The following GRM7 variants were observed in gnomAD, a reference collection of about 807,000 sequenced individuals.
GRM7 encodes metabotropic glutamate receptor 7.
In GRM7, 35 loss-of-function variants were observed where a neutral mutation model predicts 84.5. The observed-to-expected ratio is 0.41, with a 90% CI of 0.32 to 0.55. The LOEUF is 0.55. Ranked by LOEUF, GRM7 falls within the 20% of genes least tolerant of loss-of-function variation. GRM7 has a pLI of 0.19. For missense variants in GRM7, 1,003 were observed against 1,194.6 expected, an observed-to-expected ratio of 0.84 and a Z score of 2.36; for synonymous variants, 487 against 455.1, an observed-to-expected ratio of 1.07 and a Z score of -0.89.
chr3:7,418,104 C>G (rs1398262115), intron 5 of GRM7, among the ~76,000 whole-genome samples: 3 of 152,124 alleles, frequency 2.0e-5, no homozygotes. Flanking sequence ...ACTATGTAAT[C>G]TTTATTTCTG....
At chr3:7,326,503 C>A (rs10510358) in intron 4 of GRM7, among the ~76,000 whole-genome samples, 1 of 151,734 alleles carries the variant, frequency 6.6e-6, no homozygotes, top group African/African-American at 2.4e-5. Flanking sequence ...AAGCACCCTA[C>A]GTATCAAGAG....
chr3:7,181,564 A>G (rs1236579867), intron 2 of GRM7, among the ~76,000 whole-genome samples: 1 of 152,140 alleles, frequency 6.6e-6, no homozygotes, highest in African/African-American at 2.4e-5. Context: ...CCAGCTTTCA[A>G]AATAATATTT....
chr3:7,386,004 A>T (rs969383813), intron 4 of GRM7, among the ~76,000 whole-genome samples: 8 of 152,228 alleles, frequency 5.3e-5, no homozygotes, highest in Non-Finnish European at 7.3e-5. Context: ...CATTTACACT[A>T]AGTCAACAAA....
At chr3:7,363,521 A>G (rs1016704252) in intron 4 of GRM7, among the ~76,000 whole-genome samples, 4 of 152,108 alleles carry the variant, frequency 2.6e-5, no homozygotes, top group African/African-American at 7.2e-5. Context: ...ACTCGTTTCA[A>G]TTATTGCTTA....
chr3:6,887,638 C>T (rs1174769793), intron 1 of GRM7, among the ~76,000 whole-genome samples: 1 of 152,106 alleles, frequency 6.6e-6, no homozygotes, highest in Non-Finnish European at 1.5e-5. Context: ...CATTGCTGGA[C>T]ATTTGGGTTG....
intron 9 of GRM7, among the ~76,000 whole-genome samples, chr3:7,685,798 A>G (rs369105394): frequency 1.1e-3 from 160 of 152,088 alleles, no homozygotes; most frequent in Non-Finnish European, 1.9e-3. Flanking sequence ...TAAAAAAAAA[A>G]AAAGAAAGAA....
chr3:7,313,601 CA>C (rs1380749577), intron 4 of GRM7, among the ~76,000 whole-genome samples: 2 of 152,050 alleles, frequency 1.3e-5, no homozygotes, highest in Non-Finnish European at 2.9e-5. Context: ...ATGGGCCTTA[CA>C]AAATGATGAT....
At chr3:7,127,427 C>T (rs1693439173) in intron 1 of GRM7, among the ~76,000 whole-genome samples, 1 of 152,178 alleles carries the variant, frequency 6.6e-6, no homozygotes, top group South Asian at 2.1e-4. Flanking sequence ...ACCTGAATGA[C>T]AGTATCTTAT....
intron 1 of GRM7, among the ~76,000 whole-genome samples, chr3:6,918,932 T>C (rs77223867): frequency 0.01 from 1,576 of 152,268 alleles, 34 homozygotes; most frequent in African/African-American, 0.036. Context: ...TGAGGGAACA[T>C]ATGGGATGTG....
chr3:7,655,787 G>GA (rs1192854335), intron 8 of GRM7, among the ~76,000 whole-genome samples: 1 of 152,080 alleles, frequency 6.6e-6, no homozygotes, highest in Non-Finnish European at 1.5e-5. Flanking sequence ...TCTAACTGGA[G>GA]AAAAAACTTC....
chr3:7,722,086 G>A (rs1219328247), intron 9 of GRM7, among the ~76,000 whole-genome samples: 3 of 152,174 alleles, frequency 2.0e-5, no homozygotes. Context: ...CCCTAACAGT[G>A]TCAAAAAACC....
intron 1 of GRM7, among the ~76,000 whole-genome samples, chr3:7,097,349 G>C (rs1177113533): frequency 6.6e-6 from 1 of 152,118 alleles, no homozygotes; most frequent in Non-Finnish European, 1.5e-5. Context: ...AAAAATATGA[G>C]CCAATGGATA....
intron 1 of GRM7, among the ~76,000 whole-genome samples, chr3:7,121,189 T>A (rs1693204612): frequency 6.6e-6 from 1 of 152,184 alleles, no homozygotes; most frequent in Non-Finnish European, 1.5e-5. Flanking sequence ...ACTCAATGTA[T>A]CCTCCTACGG....
At chr3:7,407,400 T>C (rs997210279) in intron 4 of GRM7, among the ~76,000 whole-genome samples, 1 of 152,204 alleles carries the variant, frequency 6.6e-6, no homozygotes, top group Non-Finnish European at 1.5e-5. Flanking sequence ...TAAGCTCACA[T>C]GACTGCACAT....
At chr3:7,328,171 A>G (rs1430829859) in intron 4 of GRM7, among the ~76,000 whole-genome samples, 1 of 152,194 alleles carries the variant, frequency 6.6e-6, no homozygotes, top group Non-Finnish European at 1.5e-5. Flanking sequence ...ATGAAAAGAC[A>G]TATTTTAAAA....
At chr3:7,342,420 C>G (rs1309162510) in intron 4 of GRM7, among the ~76,000 whole-genome samples, 2 of 152,112 alleles carry the variant, frequency 1.3e-5, no homozygotes, top group Non-Finnish European at 2.9e-5. Flanking sequence ...CTAGACATGA[C>G]CAATCAATTA....
At chr3:7,677,223 C>T (rs539839017) in intron 8 of GRM7, among the ~76,000 whole-genome samples, 2 of 138,534 alleles carry the variant, frequency 1.4e-5, no homozygotes, top group Admixed American at 1.6e-4. Context: ...GATCGCACCA[C>T]TGCTCTCCAA....
chr3:7,649,520 C>T lies in GRM7; in HGVS notation c.2452-30529C>T, dbSNP rs551189056. Among the ~76,000 whole-genome samples, 8 of 152,172 alleles carry T rather than the reference C, an allele frequency of 5.3e-5. No individual in the cohort carries two copies. The South Asian group carries it at 1.2e-3, about 24-fold the overall frequency. On this transcript the variant is annotated intron_variant, in intron 8 of 9. Coordinates refer to ENST00000357716, the MANE Select transcript of GRM7 (RefSeq NM_000844.4). ...TGATAGTGGTTATTTTTGTCTCTTG[C>T]GATTTTTTGTTGTTTTTGCTCAGTG...
At position 6,862,924 on chromosome 3, in the gene GRM7, G is replaced by A. The variant is rs1559291499; in HGVS notation, c.519+1017G>A. The A allele has an allele frequency of 2.3e-6, 1 of 438,900 alleles. No homozygotes were observed. Among genetic ancestry groups the A allele is most frequent in the Admixed American group, 2.6e-5 (1 of 38,912 alleles). 27.2% of individuals were successfully genotyped at this position (438,900 alleles called of 1,614,324 possible). ...GGAGGAAGGCGGATCCGGGGCCGCTGAGCGGTGGGTTCTGCCGCAGTGTTC... is the reference window on the plus strand; with the variant it reads ...GGAGGAAGGCGGATCCGGGGCCGCTAAGCGGTGGGTTCTGCCGCAGTGTTC... On this transcript the variant is annotated intron_variant, in intron 1 of 9. Transcript: ENST00000357716. The surrounding 1 kb of genome is among the most constrained non-coding windows in gnomAD (Gnocchi z 5.2).
Sources: gnomAD v4.1 joint callset for allele counts (sites outside exome capture counted in the v4.1 genomes callset) on GRCh38, gnomAD v4.1.1 for gene constraint, Gnocchi (gnomAD v3.1) non-coding constraint, MANE v1.5 for transcripts, NCBI Gene and HGNC (gene_info 2026-07-23, HGNC 2026-07-21) for gene names.